The following CSMD1 variants were observed in gnomAD, a reference collection of about 807,000 sequenced individuals.
CSMD1 encodes CUB and Sushi multiple domains 1.
CSMD1 carries 213 observed loss-of-function variants against 417.5 expected under a neutral mutation model. The observed-to-expected ratio is 0.51, with a 90% CI of 0.46 to 0.57. CSMD1 has a LOEUF of 0.57. Ranked by LOEUF, CSMD1 falls within the 20% of genes least tolerant of loss-of-function variation. The probability of loss-of-function intolerance (pLI) is 0.00; values close to 1 mark genes in which losing one functional copy is unlikely to be tolerated. For synonymous variants in CSMD1, 2,862 were observed against 1,736.8 expected (o/e 1.65, Z -16.11); for missense variants, 6,923 against 4,529.7 (o/e 1.53, Z -15.17).
chr8:4,453,616 C>T (rs1029210118), intron 2 of CSMD1, among the ~76,000 whole-genome samples: 1 of 152,046 alleles, frequency 6.6e-6, no homozygotes, highest in Admixed American at 6.5e-5. Flanking sequence ...CAGCACAGTG[C>T]TGAGAAATGT....
At chr8:4,176,504 A>G (rs546116135) in intron 3 of CSMD1, among the ~76,000 whole-genome samples, 1 of 152,136 alleles carries the variant, frequency 6.6e-6, no homozygotes, top group African/African-American at 2.4e-5. Context: ...TACTGGTTCT[A>G]TACCTTCACT....
At chr8:3,903,952 G>C (rs142461860) in intron 5 of CSMD1, among the ~76,000 whole-genome samples, 2 of 152,048 alleles carry the variant, frequency 1.3e-5, no homozygotes, top group East Asian at 1.9e-4. Flanking sequence ...TTCTCATTTG[G>C]ATTAAACCTG....
chr8:4,055,970 GT>G (rs1798668634), intron 3 of CSMD1, among the ~76,000 whole-genome samples: 1 of 151,582 alleles, frequency 6.6e-6, no homozygotes, highest in African/African-American at 2.4e-5. Flanking sequence ...CCCTACCTGA[GT>G]TTTCCCCTAC....
chr8:4,531,369 G>C (rs746784530), intron 2 of CSMD1, among the ~76,000 whole-genome samples: 3 of 152,050 alleles, frequency 2.0e-5, no homozygotes, highest in Non-Finnish European at 2.9e-5. Context: ...TTGTATCTTG[G>C]GTATTGGAAA....
intron 2 of CSMD1, among the ~76,000 whole-genome samples, chr8:4,438,633 T>A (rs781054070): frequency 2.0e-5 from 3 of 152,138 alleles, no homozygotes; most frequent in Non-Finnish European, 4.4e-5. Flanking sequence ...ACCTACATTA[T>A]CCCATGGAGT....
chr8:4,445,753 G>A (rs907755340), intron 2 of CSMD1, among the ~76,000 whole-genome samples: 7 of 147,694 alleles, frequency 4.7e-5, no homozygotes, highest in African/African-American at 1.0e-4. Flanking sequence ...ATAATAGACG[G>A]TCCTGAGAAT....
intron 12 of CSMD1, among the ~76,000 whole-genome samples, chr8:3,429,526 T>C (rs528414072): frequency 1.3e-5 from 2 of 152,230 alleles, no homozygotes; most frequent in East Asian, 1.9e-4. Flanking sequence ...GAAGACACTT[T>C]GGGGGCTGTC....
chr8:3,629,945 A>G (rs978948980), intron 7 of CSMD1, among the ~76,000 whole-genome samples: 1 of 152,224 alleles, frequency 6.6e-6, no homozygotes, highest in African/African-American at 2.4e-5. Flanking sequence ...TGTTGCCTAC[A>G]GTCTTATTGA....
chr8:4,843,468 A>G (rs1800953389), intron 1 of CSMD1, among the ~76,000 whole-genome samples: 1 of 152,094 alleles, frequency 6.6e-6, no homozygotes, highest in African/African-American at 2.4e-5. Flanking sequence ...ACCGAGAGAG[A>G]AATTGTGTGT....
chr8:3,056,340 T>C (rs938088688), intron 49 of CSMD1, among the ~76,000 whole-genome samples: 5 of 152,202 alleles, frequency 3.3e-5, no homozygotes, highest in African/African-American at 9.6e-5. Context: ...GTTAACTTTG[T>C]TTCCGCAGGC....
intron 1 of CSMD1, among the ~76,000 whole-genome samples, chr8:4,721,899 T>C (rs144499941): frequency 6.0e-4 from 92 of 152,280 alleles, no homozygotes; most frequent in Admixed American, 4.5e-3. Flanking sequence ...AAGGGCATTA[T>C]GTCAAGAGAA....
At chr8:3,502,832 A>G (rs1364924688) in intron 10 of CSMD1, among the ~76,000 whole-genome samples, 1 of 152,190 alleles carries the variant, frequency 6.6e-6, no homozygotes, top group African/African-American at 2.4e-5. Flanking sequence ...TAGCAGCCGG[A>G]GTGAGCCCTA....
At chr8:4,565,661 G>C (rs1398608666) in intron 2 of CSMD1, among the ~76,000 whole-genome samples, 2 of 150,718 alleles carry the variant, frequency 1.3e-5, no homozygotes, top group Admixed American at 1.3e-4. Context: ...TTTGAACCAA[G>C]GAGGCAGAGG....
chr8:4,380,832 C>T (rs1803056271), intron 3 of CSMD1, among the ~76,000 whole-genome samples: 1 of 152,092 alleles, frequency 6.6e-6, no homozygotes, highest in Non-Finnish European at 1.5e-5. Context: ...TAGAATGTTT[C>T]TGTGTTTAAT....
intron 25 of CSMD1, among the ~76,000 whole-genome samples, chr8:3,297,368 G>C (rs1584950683): frequency 6.6e-6 from 1 of 152,138 alleles, no homozygotes; most frequent in Non-Finnish European, 1.5e-5. Context: ...AATAGTCACA[G>C]TGATCTATAT....
At chr8:4,849,440 C>G (rs565057697) in intron 1 of CSMD1, among the ~76,000 whole-genome samples, 2 of 151,898 alleles carry the variant, frequency 1.3e-5, no homozygotes, top group Admixed American at 6.6e-5. Flanking sequence ...CAGTGTACAA[C>G]GGTTGTAAAG....
chr8:4,629,832 G>A (rs1802400284), intron 2 of CSMD1, among the ~76,000 whole-genome samples: 1 of 152,158 alleles, frequency 6.6e-6, no homozygotes, highest in Non-Finnish European at 1.5e-5. Flanking sequence ...ATAGTGTCAT[G>A]TTGCAAACTA....
At chr8:4,321,695 G>C (rs1189528652) in intron 3 of CSMD1, among the ~76,000 whole-genome samples, 1 of 152,124 alleles carries the variant, frequency 6.6e-6, no homozygotes, top group Non-Finnish European at 1.5e-5. Context: ...ATAGTGATAG[G>C]AATCAATGTC....
At chr8:3,199,682 T>A in intron 33 of CSMD1, 32 bp downstream of exon 33, 1 of 1,411,542 alleles carries the variant, frequency 7.1e-7, no homozygotes. Context: ...AAGACCACAG[T>A]GACATGTGGA....
Sources: allele counts gnomAD v4.1 joint callset (sites outside exome capture counted in the v4.1 genomes callset), GRCh38; gene constraint gnomAD v4.1.1; transcripts MANE v1.5; gene names NCBI Gene and HGNC (gene_info 2026-07-23, HGNC 2026-07-21).